ELAVL4: variants seen among roughly 807,000 people sequenced by gnomAD.
ELAVL4 encodes the protein ELAV like RNA binding protein 4, also known as ELAV-like protein 4.
A neutral mutation model predicts 35.6 loss-of-function variants in ELAVL4; 1 was observed. That is an observed-to-expected ratio of 0.03 (90% CI 0.01 to 0.13). ELAVL4 has a LOEUF of 0.13. ELAVL4 is among the 10% of genes least tolerant of loss of function. ELAVL4 has a pLI of 1.00. For missense variants in ELAVL4, 267 were observed against 464.9 expected, an observed-to-expected ratio of 0.57 and a Z score of 3.91; for synonymous variants, 156 against 171.0, an observed-to-expected ratio of 0.91 and a Z score of 0.69.
At chr1:50,067,386 C>T (rs1664312370) in intron 1 of ELAVL4, among the ~76,000 whole-genome samples, 1 of 152,132 alleles carries the variant, frequency 6.6e-6, no homozygotes, top group Non-Finnish European at 1.5e-5. Context: ...ATTTAACAGG[C>T]ATTAACCAGG....
intron 4 of ELAVL4, among the ~76,000 whole-genome samples, chr1:50,194,980 C>T (rs1643944743): frequency 6.6e-6 from 1 of 152,058 alleles, no homozygotes. Flanking sequence ...GGCCAGATTG[C>T]CAGAGGCATT....
chr1:50,095,199 AC>A (rs1295886628), intron 1 of ELAVL4, among the ~76,000 whole-genome samples: 3 of 152,076 alleles, frequency 2.0e-5, no homozygotes, highest in Non-Finnish European at 4.4e-5. Context: ...TGGTGCTCAA[AC>A]CCGTCTTTTG....
chr1:50,082,267 A>C (rs1482316038), intron 1 of ELAVL4, among the ~76,000 whole-genome samples: 1 of 152,204 alleles, frequency 6.6e-6, no homozygotes, highest in South Asian at 2.1e-4. Flanking sequence ...TGTCTTCCAC[A>C]GTGGTTGAAC....
chr1:50,200,989 C>A lies in ELAVL4; in HGVS notation c.912C>A (p.Gly304=), dbSNP rs1301188740. 6.2e-7 allele frequency: 1 copy of A among 1,613,956 alleles called. No individual in the cohort carries two copies. The highest frequency in any genetic ancestry group is 2.2e-5 in the East Asian group (1 of 44,880). ...SDESVLWQLF[G]PFGAVNNVKV... ...AGAGTGTCCTCTGGCAGCTCTTTGGCCCCTTTGGAGCAGTGAACAACGTAA... is the reference window on the plus strand; with the variant it reads ...AGAGTGTCCTCTGGCAGCTCTTTGGACCCTTTGGAGCAGTGAACAACGTAA... The change falls in exon 7 of 7, where the codon GGC becomes GGA. Residue 304 remains glycine (G), a synonymous_variant. Coordinates refer to ENST00000371824, the MANE Select transcript of ELAVL4 (RefSeq NM_001144774.3).
intron 1 of ELAVL4, among the ~76,000 whole-genome samples, chr1:50,050,438 A>T (rs554809655): frequency 8.9e-4 from 135 of 152,322 alleles, no homozygotes; most frequent in African/African-American, 3.1e-3. Context: ...CATCAGAGTG[A>T]ACCTTTATGA....
chr1:50,169,894 T>G (rs1243451843), intron 2 of ELAVL4, among the ~76,000 whole-genome samples: 1 of 152,214 alleles, frequency 6.6e-6, no homozygotes, highest in African/African-American at 2.4e-5. Context: ...TATTATTTTT[T>G]CTGGGCTATA....
chr1:50,195,899 G>A (rs1251275759), intron 5 of ELAVL4, 113 bp downstream of exon 5: 1 of 1,241,572 alleles, frequency 8.1e-7, no homozygotes, highest in African/African-American at 1.5e-5. Flanking sequence ...TCCACCCCCA[G>A]GAATCACTGT....
At chr1:50,161,031 C>T (rs919960539) in intron 2 of ELAVL4, among the ~76,000 whole-genome samples, 1 of 152,142 alleles carries the variant, frequency 6.6e-6, no homozygotes, top group Non-Finnish European at 1.5e-5. Flanking sequence ...TTAGTATTAA[C>T]CTGATAATTT....
chr1:50,110,364 A>T (rs1300161225), intron 1 of ELAVL4, among the ~76,000 whole-genome samples: 1 of 152,118 alleles, frequency 6.6e-6, no homozygotes, highest in African/African-American at 2.4e-5. Context: ...GCTAGGAGTG[A>T]TGGGGAAGGA....
intron 1 of ELAVL4, among the ~76,000 whole-genome samples, chr1:50,060,658 C>T (rs1340639479): frequency 6.6e-6 from 1 of 152,196 alleles, no homozygotes; most frequent in Non-Finnish European, 1.5e-5. Context: ...CCAGTATGAT[C>T]CTACTTGTAG....
At chr1:50,144,869 T>C (rs1469969596) in intron 1 of ELAVL4, 88 bp from the exon 2 acceptor site, 1 of 1,563,712 alleles carries the variant, frequency 6.4e-7, no homozygotes, top group Non-Finnish European at 8.6e-7. Flanking sequence ...TTCTTCTCTT[T>C]CTTTTCAAAA....
intron 1 of ELAVL4, among the ~76,000 whole-genome samples, chr1:50,129,168 G>A (rs1572303978): frequency 6.6e-6 from 1 of 151,994 alleles, no homozygotes; most frequent in East Asian, 1.9e-4. Flanking sequence ...TTTCTTCAGG[G>A]GGAATGACAC....
At chr1:50,109,374 A>C (rs1256117372) in intron 1 of ELAVL4, among the ~76,000 whole-genome samples, 176 bp downstream of exon 1, 2 of 152,134 alleles carry the variant, frequency 1.3e-5, no homozygotes, top group South Asian at 4.2e-4. Flanking sequence ...TTGAAAAGCA[A>C]TGGGGATATA....
chr1:50,121,793 A>T (rs1469134320), intron 1 of ELAVL4, among the ~76,000 whole-genome samples: 2 of 152,074 alleles, frequency 1.3e-5, no homozygotes, highest in African/African-American at 4.8e-5. Context: ...ATAACTACTG[A>T]TGTCTGCATG....
intron 6 of ELAVL4, among the ~76,000 whole-genome samples, chr1:50,198,161 C>T (rs1490236618): frequency 6.6e-6 from 1 of 152,100 alleles, no homozygotes; most frequent in Non-Finnish European, 1.5e-5. Flanking sequence ...CACTGAAAGG[C>T]TTTTTGTGGG....
At chr1:50,127,465 C>A (rs1051984253) in intron 1 of ELAVL4, among the ~76,000 whole-genome samples, 1 of 152,056 alleles carries the variant, frequency 6.6e-6, no homozygotes, top group Non-Finnish European at 1.5e-5. Flanking sequence ...ATGGCGAAAG[C>A]ATTTCAGTGG....
At chr1:50,089,712 A>G (rs1313226797) in intron 1 of ELAVL4, among the ~76,000 whole-genome samples, 1 of 152,192 alleles carries the variant, frequency 6.6e-6, no homozygotes, top group Non-Finnish European at 1.5e-5. Flanking sequence ...CCATGATTGC[A>G]CCACTGCACT....
intron 1 of ELAVL4, among the ~76,000 whole-genome samples, chr1:50,060,719 A>C (rs1663918088): frequency 6.6e-6 from 1 of 152,206 alleles, no homozygotes; most frequent in African/African-American, 2.4e-5. Flanking sequence ...CTCAGAACTC[A>C]GTGAGACTCA....
intron 2 of ELAVL4, among the ~76,000 whole-genome samples, chr1:50,163,671 C>T (rs1484661392): frequency 6.6e-6 from 1 of 152,002 alleles, no homozygotes; most frequent in African/African-American, 2.4e-5. Flanking sequence ...ACTAAAAATA[C>T]AAAAATTAGG....
Sources: allele counts gnomAD v4.1 joint callset (sites outside exome capture counted in the v4.1 genomes callset), GRCh38; gene constraint gnomAD v4.1.1; transcripts MANE v1.5; gene names NCBI Gene and HGNC (gene_info 2026-07-23, HGNC 2026-07-21).